KPNA4: variants seen among roughly 807,000 people sequenced by gnomAD.
KPNA4 encodes the protein importin subunit alpha-3.
A neutral mutation model predicts 71.3 loss-of-function variants in KPNA4; 13 were observed. The ratio of observed to expected loss-of-function variants is 0.18; its 90% CI spans 0.12 to 0.29. The LOEUF is 0.29. KPNA4 is among the 10% of genes least tolerant of loss of function. The pLI, the probability that KPNA4 is intolerant of heterozygous loss-of-function variation, is 1.00. For synonymous variants in KPNA4, 189 were observed against 195.2 expected (o/e 0.97, Z 0.26); for missense variants, 334 against 603.2 (o/e 0.55, Z 4.67).
intron 10 of KPNA4, among the ~76,000 whole-genome samples, chr3:160,522,446 C>T (rs760531085): frequency 2.6e-5 from 4 of 152,014 alleles, no homozygotes; most frequent in Non-Finnish European, 5.9e-5. Flanking sequence ...TTTTGCCTTA[C>T]AGAACTGGAG....
At position 160,499,981 on chromosome 3, in the gene KPNA4, T is replaced by C. The variant is rs1332599023; in HGVS notation, c.*2123A>G. 1 of 152,134 alleles carries C rather than the reference T, an allele frequency of 6.6e-6. No individual in the cohort carries two copies. Among genetic ancestry groups the C allele is most frequent in the African/African-American group, 2.4e-5 (1 of 41,436 alleles). 9.4% of individuals were successfully genotyped at this position (152,134 alleles called of 1,614,324 possible). ...GATAGAGAGAAAACTGAAGCACTGATGGTGTCAACTGGACAAACTCAGTGG... is the reference window on the plus strand; with the variant it reads ...GATAGAGAGAAAACTGAAGCACTGACGGTGTCAACTGGACAAACTCAGTGG... On this transcript the variant is annotated 3_prime_UTR_variant, in exon 17 of 17. Coordinates refer to ENST00000334256, the MANE Select transcript of KPNA4 (RefSeq NM_002268.5).
intron 1 of KPNA4, among the ~76,000 whole-genome samples, chr3:160,543,377 G>A (rs1721845322): frequency 6.6e-6 from 1 of 151,664 alleles, no homozygotes; most frequent in Non-Finnish European, 1.5e-5. Flanking sequence ...ATCTCACTCT[G>A]TCACCCAGGC....
intron 1 of KPNA4, among the ~76,000 whole-genome samples, chr3:160,561,535 T>C (rs532316384): frequency 6.6e-6 from 1 of 152,188 alleles, no homozygotes; most frequent in Admixed American, 6.5e-5. Context: ...TTTGGTGCGT[T>C]TGTGTTTCAA....
intron 1 of KPNA4, among the ~76,000 whole-genome samples, chr3:160,556,568 T>A (rs929185449): frequency 1.3e-5 from 2 of 152,168 alleles, no homozygotes; most frequent in East Asian, 3.9e-4. Flanking sequence ...TGTTTCAGAT[T>A]TTGGATTTTT....
rs374656430 is a variant in KPNA4 at position 160,537,352 on chromosome 3, G to A, written c.70-512C>T. On this transcript the variant is annotated intron_variant, in intron 1 of 16. Transcript: ENST00000334256. ...CTATCCTGTTTTTTACCTTGTTTTG[G>A]TTTACTTTGTTTATAGAACTTAGAG... Among the ~76,000 whole-genome samples, 114 of 151,696 alleles carry A rather than the reference G, an allele frequency of 7.5e-4. 1 individual carries two copies. Among genetic ancestry groups the A allele is most frequent in the Middle Eastern group, 3.4e-3 (1 of 292 alleles).
intron 16 of KPNA4, 134 bp downstream of exon 16, chr3:160,504,824 A>G (rs1720952101): frequency 2.7e-6 from 1 of 376,068 alleles, no homozygotes; most frequent in Non-Finnish European, 4.6e-6. Flanking sequence ...AGCAGGTGAC[A>G]TTACTGTCAT....
intron 6 of KPNA4, 80 bp downstream of exon 6, chr3:160,531,382 A>T: frequency 2.9e-6 from 2 of 701,176 alleles, no homozygotes; most frequent in Non-Finnish European, 2.2e-6. Flanking sequence ...TTCTTTAAAG[A>T]TCAAACTAAT....
intron 5 of KPNA4, among the ~76,000 whole-genome samples, chr3:160,534,267 A>G (rs1414546760): frequency 6.6e-6 from 1 of 152,210 alleles, no homozygotes; most frequent in Non-Finnish European, 1.5e-5. Context: ...AACTCAACAT[A>G]GGGTGTTATT....
In KPNA4 at chr3:160,499,078, G is replaced by GT. The variant is rs572693871; in HGVS notation, c.*3025dup. On this transcript the variant is annotated 3_prime_UTR_variant, in exon 17 of 17. Coordinates refer to ENST00000334256, the MANE Select transcript of KPNA4 (RefSeq NM_002268.5). ...CCTCACCCTATGAAGTGCTGCTGAG[G>GT]TAAGCCTAAACTAAATGATACACTC... 1.4e-4 allele frequency: 21 copies of GT among 152,190 alleles called. No individual in the cohort carries two copies. The East Asian group carries it at 2.9e-3, about 21-fold the overall frequency. The allele number at this position is 152,190 out of a possible 1,614,324, so 9.4% of individuals were successfully genotyped here. A position where few individuals can be genotyped will look rare whatever the true frequency, so the allele number is the denominator to read the frequency against.
chr3:160,514,644 C>T (rs3773372), intron 12 of KPNA4, among the ~76,000 whole-genome samples: 77,047 of 152,006 alleles, frequency 0.51, 20,047 homozygotes, highest in Non-Finnish European at 0.55. Flanking sequence ...TTATCCACAA[C>T]AATGGAGACA....
At chr3:160,560,828 T>C (rs1722229043) in intron 1 of KPNA4, among the ~76,000 whole-genome samples, 1 of 152,102 alleles carries the variant, frequency 6.6e-6, no homozygotes, top group Non-Finnish European at 1.5e-5. Context: ...CTATCAGATA[T>C]TTCATATTGT....
At chr3:160,554,695 T>C (rs1217071409) in intron 1 of KPNA4, among the ~76,000 whole-genome samples, 1 of 152,140 alleles carries the variant, frequency 6.6e-6, no homozygotes, top group African/African-American at 2.4e-5. Context: ...GTTAAGCTGA[T>C]CACCAATTGT....
At chr3:160,555,191 C>T (rs904483663) in intron 1 of KPNA4, among the ~76,000 whole-genome samples, 5 of 152,198 alleles carry the variant, frequency 3.3e-5, no homozygotes, top group African/African-American at 1.2e-4. Context: ...AACCCCCACA[C>T]ATCTGGTGTC....
chr3:160,516,215 C>T (rs1252954995), intron 11 of KPNA4, among the ~76,000 whole-genome samples: 2 of 151,986 alleles, frequency 1.3e-5, no homozygotes, highest in Admixed American at 6.6e-5. Flanking sequence ...TGGTCTCGAA[C>T]CCCTGACTTT....
intron 1 of KPNA4, among the ~76,000 whole-genome samples, chr3:160,539,924 A>G (rs1364442408): frequency 6.6e-6 from 1 of 152,096 alleles, no homozygotes; most frequent in Non-Finnish European, 1.5e-5. Context: ...TGTTTACTCC[A>G]AAAAATTTTC....
chr3:160,536,848 A>G lies in KPNA4; in HGVS notation c.70-8T>C, dbSNP rs776209251. On this transcript the variant is annotated splice_polypyrimidine_tract_variant and splice_region_variant and intron_variant, in intron 1 of 16. Coordinates refer to ENST00000334256, the MANE Select transcript of KPNA4 (RefSeq NM_002268.5). ...TCGTTGTCTTCTCATAGTCTACAAA[A>G]AAATTAAAGGAAAATATTTTTAAAA... The G allele has an allele frequency of 6.5e-7, 1 of 1,530,916 alleles. No homozygotes were observed. Among genetic ancestry groups the G allele is most frequent in the East Asian group, 2.3e-5 (1 of 44,006 alleles). The allele number at this position is 1,530,916 out of a possible 1,614,324, so 94.8% of individuals were successfully genotyped here.
intron 11 of KPNA4, among the ~76,000 whole-genome samples, chr3:160,521,462 A>G (rs1560047780): frequency 6.6e-6 from 1 of 152,126 alleles, no homozygotes; most frequent in Non-Finnish European, 1.5e-5. Flanking sequence ...TTAGCTACAC[A>G]TGATGGTGTG....
intron 1 of KPNA4, among the ~76,000 whole-genome samples, chr3:160,551,658 T>C (rs938379286): frequency 1.3e-5 from 2 of 152,174 alleles, no homozygotes; most frequent in African/African-American, 2.4e-5. Context: ...TTTGGACAAG[T>C]AATTTCACTT....
intron 1 of KPNA4, among the ~76,000 whole-genome samples, chr3:160,548,829 T>C (rs1250058802): frequency 6.6e-6 from 1 of 152,214 alleles, no homozygotes; most frequent in African/African-American, 2.4e-5. Flanking sequence ...CTGGGTCATA[T>C]AATAATTCTA....
Sources: gnomAD v4.1 joint callset for allele counts (sites outside exome capture counted in the v4.1 genomes callset) on GRCh38, gnomAD v4.1.1 for gene constraint, MANE v1.5 for transcripts, NCBI Gene and HGNC (gene_info 2026-07-23, HGNC 2026-07-21) for gene names.